ADD2: variants seen among roughly 807,000 people sequenced by gnomAD.
ADD2 encodes the protein beta-adducin.
Under a neutral mutation model 83.0 loss-of-function variants are expected in ADD2, and 23 were observed. That is an observed-to-expected ratio of 0.28 (90% confidence interval 0.20 to 0.39). The LOEUF is 0.39. Among genes scored for constraint, ADD2 ranks in the 10% least tolerant of loss-of-function variants. The probability of loss-of-function intolerance (pLI) is 1.00; values close to 1 mark genes in which losing one functional copy is unlikely to be tolerated. For missense variants in ADD2, 758 were observed against 944.9 expected (o/e 0.80, Z 2.59); for synonymous variants, 375 against 375.4 (o/e 1.00, Z 0.01).
chr2:70,710,629 G>A (rs923066783), intron 2 of ADD2, among the ~76,000 whole-genome samples: 7 of 152,338 alleles, frequency 4.6e-5, no homozygotes, highest in Non-Finnish European at 8.8e-5. Context: ...AAAAAGTTAT[G>A]TGCAGAATGG....
intron 1 of ADD2, among the ~76,000 whole-genome samples, chr2:70,731,403 C>G (rs1406084805): frequency 6.6e-6 from 1 of 152,138 alleles, no homozygotes; most frequent in Non-Finnish European, 1.5e-5. Flanking sequence ...TGGCAAAGAC[C>G]ATGTGCGATT....
intron 15 of ADD2, among the ~76,000 whole-genome samples, chr2:70,670,055 G>A (rs1669837683): frequency 6.6e-6 from 1 of 152,164 alleles, no homozygotes. Flanking sequence ...ATCCAGCTAA[G>A]CCCCAACAAC....
chr2:70,679,614 CTTCTT>C (rs1240499672), intron 10 of ADD2, among the ~76,000 whole-genome samples: 2 of 152,048 alleles, frequency 1.3e-5, no homozygotes, highest in African/African-American at 4.8e-5. Flanking sequence ...CTCTCTTTGT[CTTCTT>C]TTATTTTTAA....
chr2:70,734,128 G>T (rs1281954409), intron 1 of ADD2, among the ~76,000 whole-genome samples: 20 of 152,262 alleles, frequency 1.3e-4, no homozygotes, highest in Admixed American at 1.1e-3. Flanking sequence ...GGAGTTGGGG[G>T]CTCTATTAAT....
intron 4 of ADD2, among the ~76,000 whole-genome samples, chr2:70,701,653 A>G (rs978777605): frequency 3.4e-4 from 51 of 152,118 alleles, no homozygotes; most frequent in Admixed American, 2.0e-4. Context: ...TTTAAATAAG[A>G]GTTCAATAAG....
chr2:70,693,970 T>C (rs538623999), intron 6 of ADD2, among the ~76,000 whole-genome samples: 2 of 152,264 alleles, frequency 1.3e-5, no homozygotes, highest in South Asian at 4.2e-4. Context: ...ATTGCCTTTG[T>C]GCAAATTCAA....
intron 11 of ADD2, 60 bp downstream of exon 11, chr2:70,678,644 T>G: frequency 6.6e-7 from 1 of 1,505,594 alleles, no homozygotes; most frequent in East Asian, 2.3e-5. Flanking sequence ...TTAAAAATGC[T>G]TCACCCTGCT....
intron 1 of ADD2, among the ~76,000 whole-genome samples, chr2:70,730,474 C>A (rs1673226548): frequency 6.6e-6 from 1 of 152,222 alleles, no homozygotes. Flanking sequence ...GTTTGCAGGA[C>A]AAAATAGCCA....
At chr2:70,743,507 C>A (rs1328724855) in intron 1 of ADD2, among the ~76,000 whole-genome samples, 1 of 152,096 alleles carries the variant, frequency 6.6e-6, no homozygotes, top group South Asian at 2.1e-4. Flanking sequence ...TTATTAGGGA[C>A]AATATCTGCT....
At chr2:70,675,149 A>G in intron 13 of ADD2, 3 of 1,039,578 alleles carry the variant, frequency 2.9e-6, no homozygotes, top group Non-Finnish European at 3.5e-6. Flanking sequence ...AGCCATCACT[A>G]TGCAAATACA....
At chr2:70,737,350 A>G (rs2104486953) in intron 1 of ADD2, among the ~76,000 whole-genome samples, 1 of 152,330 alleles carries the variant, frequency 6.6e-6, no homozygotes, top group Non-Finnish European at 1.5e-5. Flanking sequence ...GATAGACTGG[A>G]TTAAGAAAAT....
rs1403103085 is a variant in ADD2, at chr2:70,706,574, G to A, written c.-34-132C>T. The A allele has an allele frequency of 2.4e-6, 2 of 827,824 alleles. No individual in the cohort carries two copies. Among genetic ancestry groups the A allele is most frequent in the East Asian group, 2.8e-5 (1 of 36,180 alleles). The allele number at this position is 827,824 out of a possible 1,614,324, so 51.3% of individuals were successfully genotyped here. ...CTGTTCCTAGGATGGTAGAGGCAGAGCCTGGGGAGGAGGGCAGGACGCCAG... is the reference window on the plus strand; with the variant it reads ...CTGTTCCTAGGATGGTAGAGGCAGAACCTGGGGAGGAGGGCAGGACGCCAG... On this transcript the variant is annotated intron_variant, in intron 2 of 15. Transcript: ENST00000264436. This position sits in a 1 kb window ranked among gnomAD's most constrained non-coding sequence, Gnocchi z 5.0.
chr2:70,688,605 T>A (rs567891426), intron 8 of ADD2, among the ~76,000 whole-genome samples: 22 of 152,002 alleles, frequency 1.4e-4, no homozygotes, highest in African/African-American at 4.6e-4. Flanking sequence ...GACGTGGGAG[T>A]CAAAACCCAG....
At chr2:70,709,832 G>C (rs1293646503) in intron 2 of ADD2, among the ~76,000 whole-genome samples, 1 of 152,194 alleles carries the variant, frequency 6.6e-6, no homozygotes, top group African/African-American at 2.4e-5. Flanking sequence ...AGTCCCACGT[G>C]CATGGCGTTA....
chr2:70,687,524 G>A lies in ADD2; in HGVS notation c.948+500C>T, dbSNP rs573153452. ...GGCTGCCACGTCAACACTCTGATTG[G>A]TCTGCTTTCCGCTTCTTTTTCTGGA... On this transcript the variant is annotated intron_variant, in intron 9 of 15. Transcript: ENST00000264436. Among the ~76,000 whole-genome samples, 4 of 152,192 alleles carry A rather than the reference G, an allele frequency of 2.6e-5. No homozygotes were observed. The South Asian group carries it at 8.3e-4, about 32-fold the overall frequency.
At chr2:70,704,104 T>C (rs902448890) in intron 4 of ADD2, among the ~76,000 whole-genome samples, 7 of 152,104 alleles carry the variant, frequency 4.6e-5, no homozygotes, top group Non-Finnish European at 7.4e-5. Flanking sequence ...ATTCCTGGCA[T>C]TGGGGTAATT....
At chr2:70,691,643 C>G (rs1234081043) in intron 7 of ADD2, 1 of 152,054 alleles carries the variant, frequency 6.6e-6, no homozygotes, top group Non-Finnish European at 1.5e-5. Flanking sequence ...AACCCTTGCC[C>G]TCCTTCATTC....
chr2:70,678,602 C>T (rs1670295315), intron 11 of ADD2, 102 bp downstream of exon 11: 3 of 1,462,778 alleles, frequency 2.1e-6, no homozygotes, highest in Non-Finnish European at 2.7e-6. Context: ...TGCTACTAAC[C>T]TGGGGCAGGA....
chr2:70,673,286 C>T, intron 14 of ADD2: 3 of 1,614,144 alleles, frequency 1.9e-6, no homozygotes, highest in Non-Finnish European at 2.5e-6. Flanking sequence ...AGAACTCGCA[C>T]ACGGCCGGAC....
Sources: gnomAD v4.1 joint callset for allele counts (sites outside exome capture counted in the v4.1 genomes callset) on GRCh38, gnomAD v4.1.1 for gene constraint, Gnocchi (gnomAD v3.1) non-coding constraint, MANE v1.5 for transcripts, NCBI Gene and HGNC (gene_info 2026-07-23, HGNC 2026-07-21) for gene names.